Variants in BTBD16 observed in about 807,000 individuals in gnomAD.
BTBD16 encodes the protein BTB domain containing 16, also known as BTB/POZ domain-containing protein 16.
A neutral mutation model predicts 67.4 loss-of-function variants in BTBD16; 66 were observed. That is an observed-to-expected ratio of 0.98 (90% CI 0.80 to 1.20). The LOEUF (loss-of-function observed/expected upper bound fraction) is 1.20. BTBD16 is among the 50% of genes most tolerant of loss of function. The pLI, the probability that BTBD16 is intolerant of heterozygous loss-of-function variation, is 0.00. For synonymous variants in BTBD16, 242 were observed against 236.4 expected (o/e 1.02, Z -0.22); for missense variants, 634 against 616.0 (o/e 1.03, Z -0.31).
At chr10:122,286,304 C>A in intron 5 of BTBD16, 56 bp downstream of exon 5, 3 of 1,541,336 alleles carry the variant, frequency 1.9e-6, no homozygotes, top group Non-Finnish European at 1.8e-6. Context: ...GCTTGACGGT[C>A]CCAGCTTGGA....
At chr10:122,286,544 G>A (rs988793797) in intron 5 of BTBD16, among the ~76,000 whole-genome samples, 14 of 152,212 alleles carry the variant, frequency 9.2e-5, no homozygotes, top group African/African-American at 2.9e-4. Context: ...GTAATAACCC[G>A]AGTCTTGTCT....
At chr10:122,329,321 T>C (rs1219240780) in intron 10 of BTBD16, 159 bp from the exon 11 acceptor site, 1 of 170,290 alleles carries the variant, frequency 5.9e-6, no homozygotes, top group East Asian at 1.9e-4. Flanking sequence ...TAAGCCACCA[T>C]CTGCTTCCAT....
At chr10:122,331,075 C>A in intron 11 of BTBD16, 101 bp from the exon 12 acceptor site, 1 of 1,481,778 alleles carries the variant, frequency 6.7e-7, no homozygotes, top group Non-Finnish European at 9.0e-7. Context: ...CCTTTCCCTT[C>A]CCTCAGCTCC....
At chr10:122,319,553 C>T (rs1287435872) in intron 10 of BTBD16, among the ~76,000 whole-genome samples, 2 of 152,072 alleles carry the variant, frequency 1.3e-5, no homozygotes, top group Admixed American at 1.3e-4. Context: ...TATTTTGGGA[C>T]TCAATATTCT....
At chr10:122,285,750 G>GC (rs1482045233) in intron 4 of BTBD16, among the ~76,000 whole-genome samples, 2 of 152,078 alleles carry the variant, frequency 1.3e-5, no homozygotes, top group African/African-American at 4.8e-5. Flanking sequence ...CCAGAATGAG[G>GC]CCCCCCAAGA....
At chr10:122,298,315 C>T (rs2096387352) in intron 8 of BTBD16, among the ~76,000 whole-genome samples, 1 of 152,176 alleles carries the variant, frequency 6.6e-6, no homozygotes, top group Non-Finnish European at 1.5e-5. Context: ...GTATGGCCAC[C>T]AGTGACCTGG....
intron 3 of BTBD16, among the ~76,000 whole-genome samples, chr10:122,277,533 T>G (rs2096343479): frequency 6.6e-6 from 1 of 152,144 alleles, no homozygotes. Flanking sequence ...ACAAGAAGCA[T>G]GGCGCCAGCA....
intron 10 of BTBD16, among the ~76,000 whole-genome samples, chr10:122,311,937 T>A (rs1565000047): frequency 2.0e-5 from 3 of 152,242 alleles, no homozygotes; most frequent in African/African-American, 4.8e-5. Context: ...AATGTATCTG[T>A]AAAATCCATC....
At chr10:122,286,061 G>A (rs2096363046) in intron 4 of BTBD16, 44 bp from the exon 5 acceptor site, 4 of 1,562,598 alleles carry the variant, frequency 2.6e-6, no homozygotes, top group Non-Finnish European at 3.5e-6. Context: ...CTTTGGGTGG[G>A]GACGTTACTG....
At chr10:122,311,478 T>A (rs2096413596) in intron 10 of BTBD16, among the ~76,000 whole-genome samples, 1 of 152,108 alleles carries the variant, frequency 6.6e-6, no homozygotes, top group Non-Finnish European at 1.5e-5. Context: ...AAATTTAACA[T>A]CTCCTTGTAG....
intron 3 of BTBD16, among the ~76,000 whole-genome samples, chr10:122,279,502 A>G (rs567415778): frequency 9.1e-6 from 1 of 110,388 alleles, no homozygotes; most frequent in South Asian, 3.4e-4. Context: ...AAAGAGACAG[A>G]GAAAGAGAAA....
At position 122,336,586 on chromosome 10, in the gene BTBD16, C is replaced by G. The variant is rs2096463655; in HGVS notation, c.1356C>G (p.Ile452Met). 4.3e-6 allele frequency: 7 copies of G among 1,613,376 alleles called. No homozygotes were observed. Among genetic ancestry groups the G allele is most frequent in the Non-Finnish European group, 5.9e-6 (7 of 1,179,798 alleles). The change falls in exon 15 of 16, where the codon ATC (isoleucine) becomes ATG (methionine). Residue 452 changes from isoleucine to methionine, a missense_variant. By Grantham distance (10) the Ile-to-Met change is conservative. Coordinates refer to ENST00000260723, the MANE Select transcript of BTBD16 (RefSeq NM_144587.5). ...LRAARLVKYE[I>M]RAEALVDGKW... ...CGGCACGCCTGGTGAAGTATGAGAT[C>G]AGAGCAGAGGCCCTGGTTGACGGCA...
At position 122,286,132 on chromosome 10, in the gene BTBD16, A is replaced by C; in HGVS notation, c.269A>C (p.Lys90Thr). Residue 90 changes from lysine (K) to threonine (T), a missense_variant, in exon 5 of 16, where the codon AAA becomes ACA. Lys to Thr is a moderately conservative substitution (Grantham distance 78). Transcript: ENST00000260723. ...ADVILECLGF[K>T]WELHQPQLFQ... is the part of the protein sequence containing the mutation. ...GTGATTCTCGAGTGCCTGGGCTTCAAATGGGAGCTCCATCAGCCCCAGCTT... is the reference window on the plus strand; with the variant it reads ...GTGATTCTCGAGTGCCTGGGCTTCACATGGGAGCTCCATCAGCCCCAGCTT... The C allele has an allele frequency of 6.2e-7, 1 of 1,613,786 alleles. No individual in the cohort carries two copies. The highest frequency in any genetic ancestry group is 8.5e-7 in the Non-Finnish European group (1 of 1,179,772).
chr10:122,329,706 T>C, intron 11 of BTBD16, 135 bp downstream of exon 11: 1 of 704,914 alleles, frequency 1.4e-6, no homozygotes, highest in South Asian at 1.8e-5. Context: ...ACTTCCAAGC[T>C]GTGTGACTTC....
At chr10:122,286,035 G>A (rs1192400387) in intron 4 of BTBD16, 70 bp from the exon 5 acceptor site, 1 of 1,448,876 alleles carries the variant, frequency 6.9e-7, no homozygotes, top group South Asian at 1.3e-5. Flanking sequence ...AGCTGGGGGA[G>A]AGGAAGCTGA....
At chr10:122,296,416 A>G (rs1488893295) in intron 7 of BTBD16, among the ~76,000 whole-genome samples, 1 of 152,142 alleles carries the variant, frequency 6.6e-6, no homozygotes, top group Non-Finnish European at 1.5e-5. Flanking sequence ...AATAAGTGCA[A>G]GAGGTACTGG....
At chr10:122,315,174 A>T (rs1318638355) in intron 10 of BTBD16, among the ~76,000 whole-genome samples, 1 of 152,236 alleles carries the variant, frequency 6.6e-6, no homozygotes, top group Non-Finnish European at 1.5e-5. Flanking sequence ...GGTAAAATAT[A>T]TTAATTTTTC....
At chr10:122,287,632 GA>G (rs1284883967) in intron 5 of BTBD16, 2 of 211,364 alleles carry the variant, frequency 9.5e-6, no homozygotes, top group African/African-American at 4.7e-5. Context: ...CTTTAAAAGC[GA>G]AAATATCTCA....
At chr10:122,297,872 G>T (rs1424790275) in intron 8 of BTBD16, 35 bp downstream of exon 8, 12 of 1,601,016 alleles carry the variant, frequency 7.5e-6, no homozygotes, top group South Asian at 1.1e-5. Context: ...ATCGCCCCTT[G>T]GGGGGGCCTT....
Sources: gnomAD v4.1 joint callset for allele counts (sites outside exome capture counted in the v4.1 genomes callset) on GRCh38, gnomAD v4.1.1 for gene constraint, MANE v1.5 for transcripts, NCBI Gene and HGNC (gene_info 2026-07-23, HGNC 2026-07-21) for gene names.